SLC12A9: variants seen among roughly 807,000 people sequenced by gnomAD.
SLC12A9 encodes solute carrier family 12 member 9.
A neutral mutation model predicts 66.0 loss-of-function variants in SLC12A9; 55 were observed. The observed-to-expected ratio is 0.83, with a 90% CI of 0.67 to 1.04. The LOEUF (loss-of-function observed/expected upper bound fraction) is 1.04, where lower values mean the gene tolerates loss of function less well. Ranked by LOEUF, SLC12A9 falls within the 50% of genes least tolerant of loss-of-function variation. The probability of loss-of-function intolerance (pLI) is 0.00; values close to 1 mark genes in which losing one functional copy is unlikely to be tolerated. For synonymous variants in SLC12A9, 577 were observed against 569.0 expected (o/e 1.01, Z -0.20); for missense variants, 1,061 against 1,241.9 (o/e 0.85, Z 2.19).
Position 100,865,704 on chromosome 7 carries a change from C to T in SLC12A9, c.1859-15C>T, listed in dbSNP as rs769954861. On this transcript the variant is annotated splice_polypyrimidine_tract_variant and intron_variant, in intron 13 of 13. Coordinates refer to ENST00000354161, the MANE Select transcript of SLC12A9 (RefSeq NM_020246.4). ...TGACTCCTGTCTGTTCCTGCCTTCC[C>T]CGCTCTGCCCCCAGGTGGCATGAAG... 1 of 1,593,510 alleles carries T rather than the reference C, an allele frequency of 6.3e-7. No homozygotes were observed. The highest frequency in any genetic ancestry group is 1.3e-5 in the African/African-American group (1 of 74,430).
At chr7:100,836,394 A>T (rs957059859) in intron 1 of SLC12A9, among the ~76,000 whole-genome samples, 4 of 151,946 alleles carry the variant, frequency 2.6e-5, no homozygotes, top group Non-Finnish European at 5.9e-5. Context: ...GCCCCAGAGG[A>T]GATGACGCAG....
exon 1 of SLC12A9, chr7:100,826,974 C>G: frequency 6.5e-7 from 1 of 1,543,388 alleles, no homozygotes; most frequent in South Asian, 1.2e-5. Context: ...CGCAAGGAAA[C>G]TCACCTTCCA....
At chr7:100,842,638 G>T (rs1028545225) in intron 1 of SLC12A9, among the ~76,000 whole-genome samples, 4 of 151,080 alleles carry the variant, frequency 2.6e-5, no homozygotes, top group African/African-American at 9.9e-5. Flanking sequence ...GAGGATCATA[G>T]AAGTTAAAGA....
intron 1 of SLC12A9, among the ~76,000 whole-genome samples, chr7:100,829,912 C>T (rs1431463385): frequency 1.3e-5 from 2 of 151,916 alleles, no homozygotes; most frequent in Non-Finnish European, 2.9e-5. Context: ...CCTGTAGTCC[C>T]AGCTACTAGG....
intron 1 of SLC12A9, among the ~76,000 whole-genome samples, chr7:100,841,612 T>TA (rs1368659732): frequency 6.6e-6 from 1 of 152,062 alleles, no homozygotes; most frequent in Admixed American, 6.6e-5. Flanking sequence ...TATAAAAAGT[T>TA]AAAAAGAGTC....
At position 100,854,378 on chromosome 7, in the gene SLC12A9, G is replaced by A; in HGVS notation, c.181G>A (p.Gly61Arg). Residue 61 changes from glycine to arginine, a missense_variant and splice_region_variant, in exon 2 of 14, where the codon GGG becomes AGG. Transcript: ENST00000354161. ...CAGCATAGTTGTTTTTCTGAGGATT[G>A]GTGAGTGGGTCCTGGGGCGGGTGTG... ...MFSIVVFLRI[G>R]FVVGHAGLLQ... is the part of the protein sequence containing the mutation. 6.2e-7 allele frequency: 1 copy of A among 1,613,180 alleles called. No homozygotes were observed. The highest frequency in any genetic ancestry group is 8.5e-7 in the Non-Finnish European group (1 of 1,179,776).
At chr7:100,826,879 T>C in exon 1 of SLC12A9, 3 of 1,242,036 alleles carry the variant, frequency 2.4e-6, no homozygotes, top group Non-Finnish European at 2.2e-6. Flanking sequence ...AGTGCCCGGG[T>C]AGGGGTAGTC....
At chr7:100,831,440 C>A (rs976326940) in intron 1 of SLC12A9, among the ~76,000 whole-genome samples, 2 of 151,998 alleles carry the variant, frequency 1.3e-5, no homozygotes, top group African/African-American at 2.4e-5. Flanking sequence ...CCTGCCTTGG[C>A]CTCCCAAAGT....
At chr7:100,859,182 G>A (rs746128077) in intron 7 of SLC12A9, 21 bp downstream of exon 7, 1 of 1,606,788 alleles carries the variant, frequency 6.2e-7, no homozygotes, top group Non-Finnish European at 8.5e-7. Flanking sequence ...AGGGATGGGG[G>A]TGGAGTGTCG....
At chr7:100,839,341 G>A (rs1214953038) in intron 1 of SLC12A9, among the ~76,000 whole-genome samples, 3 of 152,170 alleles carry the variant, frequency 2.0e-5, no homozygotes, top group Non-Finnish European at 4.4e-5. Flanking sequence ...AAAAAGACAG[G>A]AATTGCTCAC....
intron 1 of SLC12A9, among the ~76,000 whole-genome samples, chr7:100,845,336 C>CTATTT (rs1813885049): frequency 6.6e-6 from 1 of 150,620 alleles, no homozygotes; most frequent in Non-Finnish European, 1.5e-5. Context: ...GTTATTGGCG[C>CTATTT]TATTTTATTT....
At chr7:100,827,728 G>A (rs1813454051) in intron 1 of SLC12A9, among the ~76,000 whole-genome samples, 1 of 152,220 alleles carries the variant, frequency 6.6e-6, no homozygotes, top group Non-Finnish European at 1.5e-5. Context: ...GGGGCGGCGG[G>A]TGAGGAACCC....
chr7:100,862,059 A>C, intron 12 of SLC12A9, 148 bp downstream of exon 12: 1 of 807,606 alleles, frequency 1.2e-6, no homozygotes. Context: ...TCCCAGGTTC[A>C]AGTAATTCTC....
intron 1 of SLC12A9, among the ~76,000 whole-genome samples, chr7:100,837,162 C>T (rs762987616): frequency 6.6e-6 from 1 of 152,018 alleles, no homozygotes; most frequent in East Asian, 1.9e-4. Context: ...AGGCTGGTCT[C>T]GAACACCTGG....
At chr7:100,830,260 G>C (rs954796323) in intron 1 of SLC12A9, among the ~76,000 whole-genome samples, 1 of 151,554 alleles carries the variant, frequency 6.6e-6, no homozygotes, top group African/African-American at 2.4e-5. Flanking sequence ...GCTGAGACAG[G>C]AGAATTGCTT....
chr7:100,856,539 A>ATTTTGTT, intron 4 of SLC12A9: 1 of 222,130 alleles, frequency 4.5e-6, no homozygotes, highest in African/African-American at 2.3e-5. Flanking sequence ...TCTTGAGAGA[A>ATTTTGTT]GGTCTCACTC....
intron 1 of SLC12A9, among the ~76,000 whole-genome samples, chr7:100,833,745 T>C (rs796683545): frequency 6.6e-6 from 1 of 151,666 alleles, no homozygotes; most frequent in African/African-American, 2.4e-5. Context: ...CAATCCTGGC[T>C]AACATGGTGA....
intron 1 of SLC12A9, among the ~76,000 whole-genome samples, chr7:100,835,468 G>A (rs1002938236): frequency 6.6e-6 from 1 of 151,612 alleles, no homozygotes. Flanking sequence ...TGGCCAACAT[G>A]GTGAAACCCC....
intron 1 of SLC12A9, among the ~76,000 whole-genome samples, chr7:100,830,950 G>A (rs900171891): frequency 4.6e-5 from 7 of 151,970 alleles, no homozygotes; most frequent in East Asian, 1.9e-4. Context: ...ATTACAGAAC[G>A]TGGGTGAACA....
Sources: gnomAD v4.1 joint callset for allele counts (sites outside exome capture counted in the v4.1 genomes callset) on GRCh38, gnomAD v4.1.1 for gene constraint, MANE v1.5 for transcripts, NCBI Gene and HGNC (gene_info 2026-07-23, HGNC 2026-07-21) for gene names.